Variants in KANSL1L observed in about 807,000 individuals in gnomAD.
The protein encoded by KANSL1L is KAT8 regulatory NSL complex subunit 1-like protein.
In KANSL1L, 25 loss-of-function variants were observed where a neutral mutation model predicts 108.6. The observed-to-expected ratio is 0.23, with a 90% CI of 0.17 to 0.32. The LOEUF (loss-of-function observed/expected upper bound fraction) is 0.32, where lower values mean the gene tolerates loss of function less well. Ranked by LOEUF, KANSL1L falls within the 10% of genes least tolerant of loss-of-function variation. The pLI is 1.00. For synonymous variants in KANSL1L, 405 were observed against 395.1 expected (o/e 1.03, Z -0.30); for missense variants, 1,137 against 1,125.7 (o/e 1.01, Z -0.14).
intron 8 of KANSL1L, among the ~76,000 whole-genome samples, chr2:210,035,540 C>T (rs776153002): frequency 1.2e-4 from 19 of 152,042 alleles, no homozygotes; most frequent in Non-Finnish European, 2.4e-4. Flanking sequence ...AGTGCAGTGG[C>T]GCCATTTCGG....
In KANSL1L at chr2:210,131,853, C is replaced by T. The variant is rs556345263; in HGVS notation, c.1089-2681G>A. On this transcript the variant is annotated intron_variant, in intron 2 of 14. Transcript: ENST00000281772. ...TAGCTGGGATTACAGGCATGTACCA[C>T]CACACCCAGTTAATTGTATTTTTAG... is the stretch of plus-strand genomic sequence containing the variant. Among the ~76,000 whole-genome samples the T allele has an allele frequency of 1.2e-3, 175 of 152,058 alleles. 1 individual carries two copies. Among genetic ancestry groups the T allele is most frequent in the African/African-American group, 3.4e-3 (143 of 41,478 alleles).
At chr2:210,096,938 A>G (rs2094741712) in intron 5 of KANSL1L, 2 of 277,998 alleles carry the variant, frequency 7.2e-6, no homozygotes, top group South Asian at 2.8e-4. Context: ...TTTATTTTTT[A>G]TTATTTATTT....
chr2:210,100,169 G>A (rs570581173), intron 4 of KANSL1L, among the ~76,000 whole-genome samples: 4 of 152,120 alleles, frequency 2.6e-5, no homozygotes, highest in South Asian at 2.1e-4. Flanking sequence ...ATAGCAGCGC[G>A]AACCATACTG....
At chr2:210,089,713 G>A (rs1022082230) in intron 5 of KANSL1L, among the ~76,000 whole-genome samples, 1 of 151,980 alleles carries the variant, frequency 6.6e-6, no homozygotes, top group East Asian at 1.9e-4. Flanking sequence ...GGGGCATGGG[G>A]GAGATTAAAT....
intron 5 of KANSL1L, among the ~76,000 whole-genome samples, chr2:210,093,959 C>A (rs2094714196): frequency 6.6e-6 from 1 of 152,108 alleles, no homozygotes; most frequent in Non-Finnish European, 1.5e-5. Context: ...ATAAGTTTGT[C>A]ACAAAAGGAC....
intron 7 of KANSL1L, 89 bp downstream of exon 7, chr2:210,043,845 GATAAA>G (rs2094195014): frequency 3.4e-6 from 3 of 884,182 alleles, no homozygotes; most frequent in South Asian, 4.8e-5. Flanking sequence ...AAAAAAAATT[GATAAA>G]ATAAGATTTA....
At chr2:210,047,760 T>C (rs1377573890) in intron 6 of KANSL1L, among the ~76,000 whole-genome samples, 1 of 152,212 alleles carries the variant, frequency 6.6e-6, no homozygotes, top group Admixed American at 6.5e-5. Flanking sequence ...TTACTAATCT[T>C]TGATTCAATG....
Position 210,098,105 on chromosome 2 carries a change from C to G in KANSL1L, c.1531G>C (p.Ala511Pro). 2 of 1,609,152 alleles carry G rather than the reference C, an allele frequency of 1.2e-6. No individual in the cohort carries two copies. Among genetic ancestry groups the G allele is most frequent in the Non-Finnish European group, 1.7e-6 (2 of 1,177,650 alleles). Residue 511 changes from alanine (A) to proline (P), a missense_variant, in exon 5 of 15, where the codon GCT becomes CCT. By Grantham distance (27) the Ala-to-Pro change is conservative. Transcript: ENST00000281772. ...SSKSCSHKCL[A>P]NGIYRSASEN... ...ACCTACCTCCTGTAAATGCCATTAG[C>G]CAGACATTTATGGCTACAGGATTTG...
intron 3 of KANSL1L, among the ~76,000 whole-genome samples, chr2:210,122,688 G>T (rs1004737162): frequency 6.6e-6 from 1 of 151,962 alleles, no homozygotes; most frequent in Non-Finnish European, 1.5e-5. Context: ...AAATTAACAC[G>T]TTAACACATC....
chr2:210,099,089 A>C (rs2094767858), intron 4 of KANSL1L, among the ~76,000 whole-genome samples: 1 of 152,086 alleles, frequency 6.6e-6, no homozygotes, highest in African/African-American at 2.4e-5. Context: ...TCATACTTCA[A>C]AGAGAAAACC....
intron 2 of KANSL1L, among the ~76,000 whole-genome samples, chr2:210,129,377 TC>T (rs1385699391): frequency 6.6e-6 from 1 of 152,206 alleles, no homozygotes; most frequent in Non-Finnish European, 1.5e-5. Flanking sequence ...ATACCTGTTT[TC>T]ATTAAATATT....
chr2:210,086,010 A>G (rs1226701373), intron 5 of KANSL1L, among the ~76,000 whole-genome samples: 1 of 151,564 alleles, frequency 6.6e-6, no homozygotes, highest in African/African-American at 2.4e-5. Flanking sequence ...CTAACAAACA[A>G]TGTTTTCTCA....
chr2:210,103,988 C>T, intron 4 of KANSL1L, 116 bp downstream of exon 4: 2 of 726,074 alleles, frequency 2.8e-6, no homozygotes, highest in South Asian at 1.8e-5. Flanking sequence ...TGCCAGATGG[C>T]CTAGTTTAAT....
At chr2:210,131,399 T>C (rs891401998) in intron 2 of KANSL1L, among the ~76,000 whole-genome samples, 21 of 152,174 alleles carry the variant, frequency 1.4e-4, no homozygotes, top group Non-Finnish European at 2.5e-4. Context: ...CTTAGGGCAA[T>C]CAAAGATGAT....
chr2:210,162,223 T>TATATATATATATATATATAC (rs1491529199), intron 1 of KANSL1L, among the ~76,000 whole-genome samples: 1 of 1,790 alleles, frequency 5.6e-4, no homozygotes, highest in African/African-American at 1.2e-3. Context: ...GTGGTTCAGG[T>TATATATATATATATATATAC]ATATATATAT....
chr2:210,079,702 A>ATATATATATATATGTATGTGTG, intron 5 of KANSL1L: 1 of 8,672 alleles, frequency 1.2e-4, no homozygotes, highest in African/African-American at 2.5e-4. Context: ...GTATGTGTGT[A>ATATATATATATATGTATGTGTG]TATATATATA....
intron 1 of KANSL1L, among the ~76,000 whole-genome samples, chr2:210,161,189 T>C (rs2095359551): frequency 6.6e-6 from 1 of 152,034 alleles, no homozygotes; most frequent in Non-Finnish European, 1.5e-5. Flanking sequence ...GGTTTCACCA[T>C]GTTGGCCAGG....
In KANSL1L at chr2:210,024,413, G is replaced by A. The variant is rs568462287; in HGVS notation, c.2565-212C>T. Among the ~76,000 whole-genome samples, 3 of 152,238 alleles carry A rather than the reference G, an allele frequency of 2.0e-5. No homozygotes were observed. In the South Asian group the frequency reaches 6.2e-4, roughly 32 times the overall value. On this transcript the variant is annotated intron_variant, in intron 13 of 14. Coordinates refer to ENST00000281772, the MANE Select transcript of KANSL1L (RefSeq NM_152519.4). ...TGAAATATTTTACCGAATTATAACA[G>A]TTGTGGGGGGAGGGTTATTCTTGTT...
At chr2:210,091,321 C>G (rs1031978887) in intron 5 of KANSL1L, among the ~76,000 whole-genome samples, 6 of 152,032 alleles carry the variant, frequency 3.9e-5, no homozygotes, top group African/African-American at 1.4e-4. Context: ...AATGTGACCT[C>G]CTATGTGACT....
Sources: gnomAD v4.1 joint callset for allele counts (sites outside exome capture counted in the v4.1 genomes callset) on GRCh38, gnomAD v4.1.1 for gene constraint, MANE v1.5 for transcripts, NCBI Gene and HGNC (gene_info 2026-07-23, HGNC 2026-07-21) for gene names.